Variants in ZFP1 observed in about 807,000 individuals in gnomAD.
ZFP1 encodes ZFP1 zinc finger protein.
In ZFP1, 32 loss-of-function variants were observed where a neutral mutation model predicts 38.5. That is an observed-to-expected ratio of 0.83 (90% CI 0.63 to 1.12). ZFP1 has a LOEUF of 1.12. ZFP1 is among the 50% of genes most tolerant of loss of function. The probability of loss-of-function intolerance (pLI) is 0.00; values close to 1 mark genes in which losing one functional copy is unlikely to be tolerated. For synonymous variants in ZFP1, 245 were observed against 168.8 expected (o/e 1.45, Z -3.50); for missense variants, 616 against 480.8 (o/e 1.28, Z -2.63).
At chr16:75,164,556 T>C (rs2037958867) in intron 2 of ZFP1, among the ~76,000 whole-genome samples, 2 of 152,202 alleles carry the variant, frequency 1.3e-5, no homozygotes, top group African/African-American at 4.8e-5. Context: ...TTAATTTTGG[T>C]TTTGGTACAT....
intron 2 of ZFP1, among the ~76,000 whole-genome samples, chr16:75,155,830 G>C (rs954268928): frequency 5.3e-5 from 8 of 152,062 alleles, no homozygotes; most frequent in Non-Finnish European, 1.0e-4. Context: ...CTATAACTGG[G>C]ATTAATATCA....
chr16:75,126,667 T>A, the ZFP1 span, among the ~76,000 whole-genome samples: 3 of 152,234 alleles, frequency 2.0e-5, no homozygotes, highest in Non-Finnish European at 4.4e-5. Context: ...CCTCCTTAAA[T>A]GCTGGGGTTA....
At chr16:75,166,092 G>A (rs1319497257) in intron 2 of ZFP1, among the ~76,000 whole-genome samples, 7 of 152,156 alleles carry the variant, frequency 4.6e-5, no homozygotes, top group Non-Finnish European at 1.0e-4. Context: ...ACAGTTGGAA[G>A]TTCATCTTCT....
chr16:75,123,362 A>ATGTG, the ZFP1 span, among the ~76,000 whole-genome samples: 6 of 141,334 alleles, frequency 4.2e-5, 1 homozygote, highest in South Asian at 1.3e-3. Flanking sequence ...AAATATATAT[A>ATGTG]TGTGTATATA....
the ZFP1 span, among the ~76,000 whole-genome samples, chr16:75,120,696 G>T: frequency 2.0e-5 from 3 of 152,136 alleles, no homozygotes; most frequent in Non-Finnish European, 4.4e-5. Flanking sequence ...CCGCCTCCCG[G>T]GTTCACGCCA....
the ZFP1 span, among the ~76,000 whole-genome samples, chr16:75,121,754 G>T: frequency 3.9e-5 from 6 of 152,196 alleles, no homozygotes; most frequent in African/African-American, 1.4e-4. Context: ...AAAAGTGCTC[G>T]AATGAAATGC....
chr16:75,149,051 C>T (rs539788020), intron 1 of ZFP1: 4 of 151,562 alleles, frequency 2.6e-5, no homozygotes, highest in African/African-American at 9.7e-5. Flanking sequence ...TGCCCGGTGC[C>T]TCGTGGGTGG....
Position 75,149,162 on chromosome 16 carries a change from C to T in ZFP1, c.-44+519C>T, listed in dbSNP as rs896896834. 8 of 152,342 alleles carry T rather than the reference C, an allele frequency of 5.3e-5. No individual in the cohort carries two copies. The South Asian group carries it at 1.0e-3, about 20-fold the overall frequency. The allele number at this position is 152,342 out of a possible 1,614,324, so 9.4% of individuals were successfully genotyped here. ...GGTGTTCCCCTGATCCTCGCATCCA[C>T]CCCGTGACTTCCAGCGTTATCATCT... On this transcript the variant is annotated intron_variant, in intron 1 of 3. Transcript: ENST00000570010.
At chr16:75,158,120 G>A (rs1442792563) in intron 2 of ZFP1, among the ~76,000 whole-genome samples, 1 of 149,996 alleles carries the variant, frequency 6.7e-6, no homozygotes, top group Non-Finnish European at 1.5e-5. Flanking sequence ...TAGTGTTATG[G>A]TATATATTTT....
chr16:75,143,476 C>T, the ZFP1 span, among the ~76,000 whole-genome samples: 2 of 152,078 alleles, frequency 1.3e-5, no homozygotes, highest in Admixed American at 1.3e-4. Flanking sequence ...GAACTCTTGA[C>T]CTCAGATGAT....
chr16:75,142,206 A>C, the ZFP1 span, among the ~76,000 whole-genome samples: 2 of 151,520 alleles, frequency 1.3e-5, no homozygotes, highest in Middle Eastern at 3.4e-3. Context: ...AAATACAAAA[A>C]AAAAAAAAAA....
At chr16:75,124,455 C>T in the ZFP1 span, among the ~76,000 whole-genome samples, 13 of 149,388 alleles carry the variant, frequency 8.7e-5, no homozygotes, top group South Asian at 2.2e-4. Context: ...CCACCACGCC[C>T]GGCTTCAAAG....
chr16:75,144,932 T>G (rs1390083527), upstream of ZFP1, among the ~76,000 whole-genome samples: 1 of 152,152 alleles, frequency 6.6e-6, no homozygotes, highest in Non-Finnish European at 1.5e-5. Flanking sequence ...CTGGGTCAAG[T>G]GATCTTCCTG....
intron 2 of ZFP1, 77 bp from the exon 3 acceptor site, chr16:75,166,693 A>C: frequency 6.3e-7 from 1 of 1,598,164 alleles, no homozygotes; most frequent in Non-Finnish European, 8.5e-7. Flanking sequence ...TTCATGATGA[A>C]TGACATAAAG....
chr16:75,134,580 G>A, the ZFP1 span, among the ~76,000 whole-genome samples: 6 of 150,404 alleles, frequency 4.0e-5, no homozygotes, highest in Admixed American at 1.3e-4. Context: ...GTGAAACCCC[G>A]TCTCTACTAA....
At chr16:75,139,368 C>CAAAAAA in the ZFP1 span, among the ~76,000 whole-genome samples, 22 of 42,770 alleles carry the variant, frequency 5.1e-4, 3 homozygotes, top group African/African-American at 2.1e-3. Flanking sequence ...GACTCCATCT[C>CAAAAAA]AAAAAAAAAA....
At chr16:75,146,507 C>T (rs916425186), upstream of ZFP1, among the ~76,000 whole-genome samples, 1 of 151,820 alleles carries the variant, frequency 6.6e-6, no homozygotes, top group Non-Finnish European at 1.5e-5. Context: ...AAACTTATAT[C>T]CTCACAAAAC....
At chr16:75,122,430 C>T in the ZFP1 span, among the ~76,000 whole-genome samples, 1 of 152,110 alleles carries the variant, frequency 6.6e-6, no homozygotes, top group African/African-American at 2.4e-5. Flanking sequence ...AGGGGAACAG[C>T]TGTGAACTAC....
At chr16:75,140,493 A>T in the ZFP1 span, among the ~76,000 whole-genome samples, 1 of 152,190 alleles carries the variant, frequency 6.6e-6, no homozygotes, top group Non-Finnish European at 1.5e-5. Context: ...GACATGCTAT[A>T]TATTTTACTC....
Sources: gnomAD v4.1 joint callset for allele counts (sites outside exome capture counted in the v4.1 genomes callset) on GRCh38, gnomAD v4.1.1 for gene constraint, MANE v1.5 for transcripts, NCBI Gene and HGNC (gene_info 2026-07-23, HGNC 2026-07-21) for gene names.